ZNF141: variants seen among roughly 807,000 people sequenced by gnomAD.
ZNF141 encodes zinc finger protein 141 (clone pHZ-44).
A neutral mutation model predicts 11.3 loss-of-function variants in ZNF141; 7 were observed. The ratio of observed to expected loss-of-function variants is 0.62; its 90% CI spans 0.35 to 1.16. The LOEUF (loss-of-function observed/expected upper bound fraction) is 1.16. ZNF141 is among the 50% of genes most tolerant of loss of function. The pLI is 0.02. For missense variants in ZNF141, 535 were observed against 554.0 expected, an observed-to-expected ratio of 0.97 and a Z score of 0.34; for synonymous variants, 183 against 190.7, an observed-to-expected ratio of 0.96 and a Z score of 0.33.
At chr4:347,990 A>G (rs2108689239) in intron 3 of ZNF141, among the ~76,000 whole-genome samples, 1 of 151,564 alleles carries the variant, frequency 6.6e-6, no homozygotes, top group South Asian at 2.1e-4. Flanking sequence ...GATTACAGGC[A>G]CGTGCCACCA....
chr4:363,814 A>G (rs1711596615), intron 3 of ZNF141, among the ~76,000 whole-genome samples: 1 of 151,246 alleles, frequency 6.6e-6, no homozygotes, highest in Admixed American at 6.6e-5. Flanking sequence ...TTAGTATGAT[A>G]TTGGCTGTGG....
At chr4:339,251 T>C (rs2108678936) in intron 1 of ZNF141, among the ~76,000 whole-genome samples, 1 of 152,352 alleles carries the variant, frequency 6.6e-6, no homozygotes, top group Admixed American at 6.5e-5. Context: ...GAATCTGTTT[T>C]CTTCACCCAC....
chr4:339,034 T>G (rs1720926805), intron 1 of ZNF141, among the ~76,000 whole-genome samples: 1 of 152,168 alleles, frequency 6.6e-6, no homozygotes, highest in South Asian at 2.1e-4. Flanking sequence ...AAACATCCCT[T>G]CCCTGCACCC....
In ZNF141 at chr4:343,491, C is replaced by T. The variant is rs908256420; in HGVS notation, c.4-291C>T. 4.6e-5 allele frequency among the ~76,000 whole-genome samples: 7 copies of T among 151,986 alleles called. No homozygotes were observed. The South Asian group carries it at 1.0e-3, about 23-fold the overall frequency. On this transcript the variant is annotated intron_variant, in intron 1 of 3. Transcript: ENST00000240499. ...CTGTAATCCCAGCACTGTGGGAGGC[C>T]GAGGAGGGCGGATCACAAGGTCAGG... is the stretch of plus-strand genomic sequence containing the variant.
At chr4:338,179 C>G in intron 1 of ZNF141, 193 bp downstream of exon 1, 1 of 612,970 alleles carries the variant, frequency 1.6e-6, no homozygotes, top group South Asian at 1.9e-5. Context: ...CTGCAGCCCT[C>G]CTTGTGCAGC....
In ZNF141 at chr4:383,177, C is replaced by T. The variant is rs1359309842; in HGVS notation, c.*9315C>T. ...AGAAAAGCCAAAGTGCCTCAGTTTA[C>T]AGACAGCTCACTCACAGAAGCAGAG... is the stretch of plus-strand genomic sequence containing the variant. On this transcript the variant is annotated 3_prime_UTR_variant, in exon 4 of 4. Coordinates refer to ENST00000240499, the MANE Select transcript of ZNF141 (RefSeq NM_003441.4). The T allele has an allele frequency of 5.7e-6, 4 of 701,510 alleles. No individual in the cohort carries two copies. Among genetic ancestry groups the T allele is most frequent in the Non-Finnish European group, 1.0e-5 (4 of 384,542 alleles). 43.5% of individuals were successfully genotyped at this position (701,510 alleles called of 1,614,324 possible).
intron 3 of ZNF141, among the ~76,000 whole-genome samples, chr4:357,714 T>C (rs914549405): frequency 2.0e-5 from 3 of 148,114 alleles, no homozygotes. Context: ...TTTCTTTTTT[T>C]TTTTTTTTTT....
At chr4:349,607 A>G (rs1188799124) in intron 3 of ZNF141, among the ~76,000 whole-genome samples, 1 of 152,144 alleles carries the variant, frequency 6.6e-6, no homozygotes, top group Non-Finnish European at 1.5e-5. Context: ...TGTATAAACT[A>G]TTTTTGGCAG....
At position 343,055 on chromosome 4, in the gene ZNF141, G is replaced by A. The variant is rs1721129357; in HGVS notation, c.4-727G>A. The A allele has an allele frequency of 6.0e-6, 4 of 672,228 alleles. No individual in the cohort carries two copies. In the South Asian group the frequency reaches 7.1e-5, roughly 12 times the overall value. The allele number at this position is 672,228 out of a possible 1,614,324, so 41.6% of individuals were successfully genotyped here. ...AAAGTATTAAAAAAGTTCCTTGCATGATTAAAAAAGTATTTAAAAAGTTCC... is the reference window on the plus strand; with the variant it reads ...AAAGTATTAAAAAAGTTCCTTGCATAATTAAAAAAGTATTTAAAAAGTTCC... On this transcript the variant is annotated intron_variant, in intron 1 of 3. Coordinates refer to ENST00000240499, the MANE Select transcript of ZNF141 (RefSeq NM_003441.4).
At chr4:361,075 T>C (rs1722083853) in intron 3 of ZNF141, among the ~76,000 whole-genome samples, 1 of 152,222 alleles carries the variant, frequency 6.6e-6, no homozygotes, top group South Asian at 2.1e-4. Flanking sequence ...AAATATTTAA[T>C]TGTGATGAAA....
chr4:371,325 G>A (rs1193914865), intron 3 of ZNF141, among the ~76,000 whole-genome samples: 3 of 149,796 alleles, frequency 2.0e-5, no homozygotes, highest in Non-Finnish European at 3.0e-5. Flanking sequence ...TCCACCTCCC[G>A]GGTTCAAGCA....
chr4:359,100 T>C (rs149532700), intron 3 of ZNF141, among the ~76,000 whole-genome samples: 14 of 152,324 alleles, frequency 9.2e-5, no homozygotes, highest in African/African-American at 2.9e-4. Flanking sequence ...AAATATCTTC[T>C]ATTGGTTTTC....
At position 357,988 on chromosome 4, in the gene ZNF141, G is replaced by A. The variant is rs900866648; in HGVS notation, c.226+13558G>A. Among the ~76,000 whole-genome samples, 4 of 151,718 alleles carry A rather than the reference G, an allele frequency of 2.6e-5. No homozygotes were observed. In the East Asian group the frequency reaches 7.7e-4, roughly 29 times the overall value. ...CCCGCCTCAGCCTCCCGAAGTGCTG[G>A]GATTACAGGCATGAGCCACCATGCC... On this transcript the variant is annotated intron_variant, in intron 3 of 3. Coordinates refer to ENST00000240499, the MANE Select transcript of ZNF141 (RefSeq NM_003441.4).
chr4:340,618 T>G (rs1001129671), intron 1 of ZNF141, among the ~76,000 whole-genome samples: 1 of 152,316 alleles, frequency 6.6e-6, no homozygotes, highest in Admixed American at 6.5e-5. Flanking sequence ...TCCTGGGATT[T>G]GAGAGAAGAA....
In ZNF141 at chr4:379,846, A is replaced by G. The variant is rs916374344; in HGVS notation, c.*5984A>G. On this transcript the variant is annotated 3_prime_UTR_variant, in exon 4 of 4. Coordinates refer to ENST00000240499, the MANE Select transcript of ZNF141 (RefSeq NM_003441.4). Reference sequence around the variant, plus strand: ...ATATGGTGTTTTGTAGTATATATACATTGTCAAAAGCTTAATTCTAGCTGC... The same window carrying G: ...ATATGGTGTTTTGTAGTATATATACGTTGTCAAAAGCTTAATTCTAGCTGC... Among the ~76,000 whole-genome samples, 1 of 152,264 alleles carries G rather than the reference A, an allele frequency of 6.6e-6. No homozygotes were observed. The highest frequency in any genetic ancestry group is 1.9e-4 in the East Asian group (1 of 5,206).
Position 380,660 on chromosome 4 carries a change from CAA to C in ZNF141, c.*6808_*6809del, listed in dbSNP as rs34889799. On this transcript the variant is annotated 3_prime_UTR_variant, in exon 4 of 4. Transcript: ENST00000240499. ...AGAGCAAAACTCCATCCCCCCTGCC[CAA>C]AAAAAAAAATTAATTTTCACAGAAA... Among the ~76,000 whole-genome samples, 5 of 146,908 alleles carry C rather than the reference CAA, an allele frequency of 3.4e-5. No individual in the cohort carries two copies. The highest frequency in any genetic ancestry group is 2.0e-4 in the East Asian group (1 of 4,968).
At chr4:369,764 A>ATATTTTTTTTTTTTTTTTTTTT in intron 3 of ZNF141, among the ~76,000 whole-genome samples, 5 of 48,742 alleles carry the variant, frequency 1.0e-4, no homozygotes, top group African/African-American at 3.4e-4. Flanking sequence ...ATATATATAT[A>ATATTTTTTTTTTTTTTTTTTTT]TTTTTTTTTT....
chr4:344,636 A>G (rs1721233449), intron 3 of ZNF141, among the ~76,000 whole-genome samples: 1 of 152,146 alleles, frequency 6.6e-6, no homozygotes, highest in Admixed American at 6.5e-5. Flanking sequence ...TCTACTAAAA[A>G]TACAAAAATT....
At chr4:351,462 A>G (rs930969189) in intron 3 of ZNF141, among the ~76,000 whole-genome samples, 3 of 151,668 alleles carry the variant, frequency 2.0e-5, no homozygotes, top group Non-Finnish European at 4.4e-5. Flanking sequence ...TCCTGACCTC[A>G]TGATCCGCCC....
Sources: gnomAD v4.1 joint callset for allele counts (sites outside exome capture counted in the v4.1 genomes callset) on GRCh38, gnomAD v4.1.1 for gene constraint, MANE v1.5 for transcripts, NCBI Gene and HGNC (gene_info 2026-07-23, HGNC 2026-07-21) for gene names.